Variants in RAP1A observed in about 807,000 individuals in gnomAD.
RAP1A encodes RAP1A, member of RAS oncogene family, also known as ras-related protein Rap-1A.
In RAP1A, 6 loss-of-function variants were observed where a neutral mutation model predicts 26.4. That is an observed-to-expected ratio of 0.23 (90% CI 0.12 to 0.45). The LOEUF (loss-of-function observed/expected upper bound fraction) is 0.45. Among genes scored for constraint, RAP1A ranks in the 20% least tolerant of loss-of-function variants. The pLI is 0.99. For synonymous variants in RAP1A, 73 were observed against 79.4 expected (o/e 0.92, Z 0.43); for missense variants, 121 against 217.2 (o/e 0.56, Z 2.78).
intron 1 of RAP1A, among the ~76,000 whole-genome samples, chr1:111,667,336 T>C (rs1241603411): frequency 2.6e-5 from 4 of 152,210 alleles, no homozygotes; most frequent in African/African-American, 9.6e-5. Context: ...ATATTCTTGA[T>C]AACTAATATT....
intron 2 of RAP1A, among the ~76,000 whole-genome samples, chr1:111,693,299 A>C: frequency 6.6e-6 from 1 of 152,178 alleles, no homozygotes; most frequent in Non-Finnish European, 1.5e-5. Flanking sequence ...AGACATTTGA[A>C]GAAGCTTGAT....
At chr1:111,573,744 G>C (rs145395640) in intron 1 of RAP1A, among the ~76,000 whole-genome samples, 7 of 152,070 alleles carry the variant, frequency 4.6e-5, no homozygotes, top group African/African-American at 1.4e-4. Context: ...TATGCTTGTT[G>C]GCCACATGTA....
intron 1 of RAP1A, among the ~76,000 whole-genome samples, chr1:111,546,411 G>C (rs952355931): frequency 3.9e-5 from 6 of 152,070 alleles, no homozygotes; most frequent in Non-Finnish European, 7.4e-5. Context: ...CCATTAAACA[G>C]TAACTCCCCA....
At chr1:111,659,805 G>A (rs977734098) in intron 1 of RAP1A, among the ~76,000 whole-genome samples, 3 of 151,834 alleles carry the variant, frequency 2.0e-5, no homozygotes, top group Non-Finnish European at 4.4e-5. Flanking sequence ...TGAATTTGCA[G>A]TATACATTTA....
intron 1 of RAP1A, among the ~76,000 whole-genome samples, chr1:111,560,056 C>G (rs547998387): frequency 1.3e-5 from 2 of 152,286 alleles, no homozygotes; most frequent in East Asian, 3.9e-4. Context: ...ATTCAACACT[C>G]TTTTACTGAG....
chr1:111,639,271 T>C (rs1010286575), intron 1 of RAP1A, among the ~76,000 whole-genome samples: 1 of 152,202 alleles, frequency 6.6e-6, no homozygotes, highest in Admixed American at 6.5e-5. Context: ...TAATCTAATA[T>C]AGCTCAAAAT....
intron 4 of RAP1A, among the ~76,000 whole-genome samples, chr1:111,701,960 T>C (rs536032630): frequency 6.6e-6 from 1 of 152,316 alleles, no homozygotes; most frequent in Admixed American, 6.5e-5. Context: ...GAAAATACAC[T>C]GGCAGCAGTA....
chr1:111,714,723 G>A lies in RAP1A; in HGVS notation c.*2322G>A, dbSNP rs1402529785. ...AGTATCCTGTTAGAAAGTGAGATAG[G>A]TGTGTTTTTATATTGTCCTAATGTG... On this transcript the variant is annotated 3_prime_UTR_variant, in exon 8 of 8. Coordinates refer to ENST00000369709, the MANE Select transcript of RAP1A (RefSeq NM_002884.4). 1 of 152,186 alleles carries A rather than the reference G, an allele frequency of 6.6e-6. No individual in the cohort carries two copies. Among genetic ancestry groups the A allele is most frequent in the Non-Finnish European group, 1.5e-5 (1 of 68,046 alleles). The allele number at this position is 152,186 out of a possible 1,614,324, so 9.4% of individuals were successfully genotyped here. A position where few individuals can be genotyped will look rare whatever the true frequency, so the allele number is the denominator to read the frequency against.
intron 1 of RAP1A, chr1:111,648,256 G>T: frequency 1.4e-5 from 10 of 694,022 alleles, no homozygotes; most frequent in Non-Finnish European, 1.8e-5. Flanking sequence ...TTGGCTTCCT[G>T]CTCCCCAAAG....
chr1:111,637,580 T>C (rs1054167172), intron 1 of RAP1A, among the ~76,000 whole-genome samples: 2 of 152,248 alleles, frequency 1.3e-5, no homozygotes, highest in Admixed American at 6.5e-5. Context: ...TAATTTTACC[T>C]TACAACTTGT....
At chr1:111,562,227 C>T (rs1185797792) in intron 1 of RAP1A, among the ~76,000 whole-genome samples, 1 of 152,118 alleles carries the variant, frequency 6.6e-6, no homozygotes, top group Non-Finnish European at 1.5e-5. Flanking sequence ...CCACTTCTTC[C>T]CCTATGTTCC....
At chr1:111,679,532 C>T (rs539519116) in intron 1 of RAP1A, among the ~76,000 whole-genome samples, 1 of 150,062 alleles carries the variant, frequency 6.7e-6, no homozygotes, top group South Asian at 2.1e-4. Context: ...TTTTTGTACC[C>T]AGTGGCACCT....
upstream of RAP1A, among the ~76,000 whole-genome samples, chr1:111,619,564 T>A (rs1006874306): frequency 6.6e-6 from 1 of 152,172 alleles, no homozygotes; most frequent in East Asian, 1.9e-4. Flanking sequence ...TTTTTTCCGG[T>A]CTTACCCACC....
rs1662540407 is a variant in RAP1A, at chr1:111,716,303, T to C, written c.*3902T>C. Reference sequence around the variant, plus strand: ...CTTTTAGTATTTATGTTCCCCAAAATGTAAAAACTGTAAGTTATTCTTGAA... The same window carrying C: ...CTTTTAGTATTTATGTTCCCCAAAACGTAAAAACTGTAAGTTATTCTTGAA... On this transcript the variant is annotated 3_prime_UTR_variant, in exon 8 of 8. Transcript: ENST00000369709. 1 of 152,180 alleles carries C rather than the reference T, an allele frequency of 6.6e-6. No individual in the cohort carries two copies. The highest frequency in any genetic ancestry group is 1.5e-5 in the Non-Finnish European group (1 of 68,022). The allele number at this position is 152,180 out of a possible 1,614,324, so 9.4% of individuals were successfully genotyped here.
intron 1 of RAP1A, among the ~76,000 whole-genome samples, chr1:111,649,987 G>A (rs1162356004): frequency 6.6e-6 from 1 of 151,060 alleles, no homozygotes; most frequent in Non-Finnish European, 1.5e-5. Flanking sequence ...TGAGTATGAA[G>A]ACCCAGAGAA....
chr1:111,706,855 C>T (rs1220271808), intron 6 of RAP1A: 1 of 498,288 alleles, frequency 2.0e-6, no homozygotes, highest in Non-Finnish European at 2.6e-6. Flanking sequence ...TACCAGAAAC[C>T]AGAAACTGGC....
intron 1 of RAP1A, among the ~76,000 whole-genome samples, chr1:111,564,512 C>CA (rs1167735809): frequency 1.7e-5 from 2 of 119,962 alleles, no homozygotes; most frequent in African/African-American, 6.4e-5. Flanking sequence ...GACCCCAACT[C>CA]TTTTTTTTTT....
At chr1:111,593,776 A>G (rs1328741809) in intron 1 of RAP1A, among the ~76,000 whole-genome samples, 2 of 150,124 alleles carry the variant, frequency 1.3e-5, no homozygotes, top group Non-Finnish European at 2.9e-5. Flanking sequence ...CCCACAGTGG[A>G]CTTTTAATCT....
intron 1 of RAP1A, among the ~76,000 whole-genome samples, chr1:111,554,227 T>C (rs893496846): frequency 7.9e-5 from 12 of 152,164 alleles, no homozygotes; most frequent in African/African-American, 2.7e-4. Flanking sequence ...CATAAAAACA[T>C]AGATCAAGTT....
Sources: allele counts gnomAD v4.1 joint callset (sites outside exome capture counted in the v4.1 genomes callset), GRCh38; gene constraint gnomAD v4.1.1; transcripts MANE v1.5; gene names NCBI Gene and HGNC (gene_info 2026-07-23, HGNC 2026-07-21).